Variants in TTBK2 observed in about 807,000 individuals in gnomAD.
TTBK2 encodes the protein tau tubulin kinase 2, also known as tau-tubulin kinase 2.
In TTBK2, 28 loss-of-function variants were observed where a neutral mutation model predicts 110.8. The ratio of observed to expected loss-of-function variants is 0.25; its 90% confidence interval spans 0.19 to 0.35. The LOEUF (loss-of-function observed/expected upper bound fraction) is 0.35. Ranked by LOEUF, TTBK2 falls within the 10% of genes least tolerant of loss-of-function variation. The pLI is 1.00. For synonymous variants in TTBK2, 532 were observed against 527.3 expected, an observed-to-expected ratio of 1.01 and a Z score of -0.12; for missense variants, 1,369 against 1,500.3, an observed-to-expected ratio of 0.91 and a Z score of 1.45.
chr15:42,838,672 C>T (rs1893094359), intron 4 of TTBK2, among the ~76,000 whole-genome samples: 2 of 151,794 alleles, frequency 1.3e-5, no homozygotes, highest in African/African-American at 4.8e-5. Flanking sequence ...AGAAATTAGC[C>T]GGGCATGGTG....
rs1435256163 is a variant in TTBK2 at position 42,810,785 on chromosome 15, G to A, written c.697-46C>T. On this transcript the variant is annotated intron_variant, in intron 8 of 14. Transcript: ENST00000267890. ...GAGCTACAGTCAATTTCTCTTGGTG[G>A]TTAGGCATTAAGAGCCCCTCAGTAA... 7 of 1,609,932 alleles carry A rather than the reference G, an allele frequency of 4.3e-6. No individual in the cohort carries two copies. The South Asian group carries it at 7.7e-5, about 18-fold the overall frequency.
intron 1 of TTBK2, among the ~76,000 whole-genome samples, chr15:42,912,479 TG>T (rs1430124682): frequency 6.6e-6 from 1 of 151,168 alleles, no homozygotes; most frequent in Non-Finnish European, 1.5e-5. Flanking sequence ...GGCCCCAAGG[TG>T]GGTGGATCAC....
intron 2 of TTBK2, 128 bp from the exon 3 acceptor site, chr15:42,872,886 G>A: frequency 8.5e-7 from 1 of 1,180,886 alleles, no homozygotes; most frequent in African/African-American, 1.5e-5. Context: ...TTTAAATATT[G>A]TTAAATTAAC....
intron 3 of TTBK2, among the ~76,000 whole-genome samples, chr15:42,860,245 A>C (rs371440986): frequency 1.3e-5 from 2 of 152,124 alleles, no homozygotes; most frequent in African/African-American, 4.8e-5. Context: ...AAATTCAGAA[A>C]ACGCCAAGTG....
At chr15:42,762,963 G>C (rs1042263817) in intron 13 of TTBK2, among the ~76,000 whole-genome samples, 3 of 149,748 alleles carry the variant, frequency 2.0e-5, no homozygotes, top group African/African-American at 7.4e-5. Flanking sequence ...TTAGAGGCTG[G>C]AAAGAGTAGC....
At chr15:42,910,729 A>C (rs1308152525) in intron 1 of TTBK2, among the ~76,000 whole-genome samples, 1 of 152,234 alleles carries the variant, frequency 6.6e-6, no homozygotes, top group Non-Finnish European at 1.5e-5. Flanking sequence ...AGAAATTAAC[A>C]GTAACTATCT....
intron 3 of TTBK2, among the ~76,000 whole-genome samples, chr15:42,859,545 T>C (rs1171542273): frequency 2.0e-4 from 30 of 152,098 alleles, no homozygotes; most frequent in Non-Finnish European, 8.8e-5. Context: ...AGTCCAGAAG[T>C]ATAGGCACAC....
At chr15:42,800,814 G>T (rs917881035) in intron 9 of TTBK2, among the ~76,000 whole-genome samples, 6 of 152,134 alleles carry the variant, frequency 3.9e-5, no homozygotes, top group Non-Finnish European at 7.4e-5. Context: ...ATGGGCAAGG[G>T]GGGGTCCCCA....
chr15:42,857,155 G>A (rs1232128729), intron 3 of TTBK2, among the ~76,000 whole-genome samples: 1 of 152,098 alleles, frequency 6.6e-6, no homozygotes, highest in African/African-American at 2.4e-5. Context: ...AAACTGGATG[G>A]GAAGTCTGTA....
At chr15:42,762,435 C>T (rs539299608) in intron 13 of TTBK2, among the ~76,000 whole-genome samples, 10 of 152,060 alleles carry the variant, frequency 6.6e-5, no homozygotes, top group Admixed American at 3.3e-4. Context: ...TGTGGTATAG[C>T]GGCCGGGCAC....
At chr15:42,763,157 C>CATATATATATATATAT (rs1567008803) in intron 13 of TTBK2, among the ~76,000 whole-genome samples, 9 of 20,464 alleles carry the variant, frequency 4.4e-4, no homozygotes, top group East Asian at 2.7e-3. Flanking sequence ...TATATATATA[C>CATATATATATATATAT]ATATATATAT....
intron 1 of TTBK2, among the ~76,000 whole-genome samples, chr15:42,896,917 C>T (rs1459110338): frequency 4.0e-5 from 6 of 149,390 alleles, no homozygotes; most frequent in Admixed American, 2.0e-4. Context: ...TTGCTCTTGT[C>T]GCCCAGGCTG....
chr15:42,807,486 T>C (rs1475099175), intron 9 of TTBK2, among the ~76,000 whole-genome samples: 1 of 152,148 alleles, frequency 6.6e-6, no homozygotes, highest in African/African-American at 2.4e-5. Context: ...CAATTATGGC[T>C]CACTGCAGCC....
chr15:42,914,123 C>T (rs1308634255), intron 1 of TTBK2, among the ~76,000 whole-genome samples: 2 of 151,774 alleles, frequency 1.3e-5, no homozygotes, highest in East Asian at 1.9e-4. Context: ...ACTACAGGTG[C>T]GTGCCACCAT....
chr15:42,749,129 T>A (rs376090145), intron 14 of TTBK2, among the ~76,000 whole-genome samples: 1 of 152,216 alleles, frequency 6.6e-6, no homozygotes, highest in East Asian at 1.9e-4. Context: ...TCCTAGATGA[T>A]TGTGGCTTTG....
intron 6 of TTBK2, among the ~76,000 whole-genome samples, chr15:42,825,528 T>C (rs1490259405): frequency 2.0e-5 from 3 of 152,076 alleles, no homozygotes; most frequent in Admixed American, 6.6e-5. Flanking sequence ...CTGGCCAACA[T>C]GGTGAAACCC....
intron 13 of TTBK2, among the ~76,000 whole-genome samples, chr15:42,770,061 T>G (rs540764197): frequency 6.9e-6 from 1 of 144,466 alleles, no homozygotes; most frequent in Admixed American, 7.0e-5. Context: ...ATGAGAATAC[T>G]TGGACACAGG....
intron 11 of TTBK2, among the ~76,000 whole-genome samples, chr15:42,778,565 G>T (rs1273127479): frequency 6.6e-6 from 1 of 152,172 alleles, no homozygotes; most frequent in Admixed American, 6.5e-5. Flanking sequence ...CTACTCAGGA[G>T]GCTGAGGCAG....
intron 1 of TTBK2, among the ~76,000 whole-genome samples, chr15:42,886,023 T>C (rs1895230447): frequency 6.6e-6 from 1 of 152,164 alleles, no homozygotes; most frequent in Admixed American, 6.5e-5. Flanking sequence ...GTGCCTGACG[T>C]CCAGGCAATC....
Sources: allele counts gnomAD v4.1 joint callset (sites outside exome capture counted in the v4.1 genomes callset), GRCh38; gene constraint gnomAD v4.1.1; transcripts MANE v1.5; gene names NCBI Gene and HGNC (gene_info 2026-07-23, HGNC 2026-07-21).